Variants in LDLRAD3 observed in about 807,000 individuals in gnomAD.
The protein encoded by LDLRAD3 is low-density lipoprotein receptor class A domain-containing protein 3.
LDLRAD3 carries 20 observed loss-of-function variants against 29.4 expected under a neutral mutation model. The observed-to-expected ratio is 0.68, with a 90% CI of 0.48 to 0.99. The LOEUF is 0.99. Among genes scored for constraint, LDLRAD3 ranks in the 50% least tolerant of loss-of-function variants. LDLRAD3 has a pLI of 0.00. For synonymous variants in LDLRAD3, 157 were observed against 192.7 expected, an observed-to-expected ratio of 0.81 and a Z score of 1.53; for missense variants, 420 against 454.3, an observed-to-expected ratio of 0.92 and a Z score of 0.69.
At chr11:36,127,322 G>A (rs1032855557) in intron 4 of LDLRAD3, among the ~76,000 whole-genome samples, 6 of 152,318 alleles carry the variant, frequency 3.9e-5, no homozygotes, top group African/African-American at 1.4e-4. Flanking sequence ...TATGGTGAAA[G>A]TTACACAATA....
chr11:36,023,652 G>A (rs879443796), intron 1 of LDLRAD3, among the ~76,000 whole-genome samples: 6 of 152,204 alleles, frequency 3.9e-5, no homozygotes, highest in African/African-American at 1.2e-4. Context: ...GGCAGATGAT[G>A]TGTGTTTGCC....
chr11:36,068,991 G>T lies in LDLRAD3; in HGVS notation c.194-12662G>T, dbSNP rs2036252. Among the ~76,000 whole-genome samples the T allele has an allele frequency of 1.1e-3, 166 of 152,206 alleles. 1 individual carries two copies. The highest frequency in any genetic ancestry group is 3.8e-3 in the African/African-American group (156 of 41,472). ...TTTCTGTATTTATATTCCAGTTAGC[G>T]TATGGTCTGTTGCTCTTTCACTCCC... On this transcript the variant is annotated intron_variant, in intron 2 of 5. Coordinates refer to ENST00000315571, the MANE Select transcript of LDLRAD3 (RefSeq NM_174902.4).
At chr11:35,961,078 C>G (rs1851271853) in intron 1 of LDLRAD3, among the ~76,000 whole-genome samples, 1 of 152,234 alleles carries the variant, frequency 6.6e-6, no homozygotes, top group Non-Finnish European at 1.5e-5. Context: ...GGCCCCAGCT[C>G]TGGACCGTAG....
intron 3 of LDLRAD3, among the ~76,000 whole-genome samples, chr11:36,092,018 T>TG (rs968259717): frequency 5.8e-4 from 89 of 152,172 alleles, no homozygotes; most frequent in African/African-American, 1.8e-3. Flanking sequence ...CTGAGCTGTC[T>TG]GGGGTCTTTG....
At chr11:36,073,051 GTTTA>G (rs1852933959) in intron 2 of LDLRAD3, among the ~76,000 whole-genome samples, 1 of 152,210 alleles carries the variant, frequency 6.6e-6, no homozygotes, top group African/African-American at 2.4e-5. Context: ...TAAGGCAGCT[GTTTA>G]TTTAGGGTAT....
intron 1 of LDLRAD3, among the ~76,000 whole-genome samples, chr11:35,953,976 G>A (rs1444246240): frequency 6.6e-6 from 1 of 152,214 alleles, no homozygotes; most frequent in African/African-American, 2.4e-5. Context: ...AAGAGATAAA[G>A]TTGGAAAGAA....
chr11:36,021,140 C>T (rs1272486084), intron 1 of LDLRAD3, among the ~76,000 whole-genome samples: 3 of 152,144 alleles, frequency 2.0e-5, no homozygotes, highest in Non-Finnish European at 4.4e-5. Flanking sequence ...ATGGAAGTAT[C>T]TTTGGCAATA....
At chr11:35,981,727 T>G (rs564485380) in intron 1 of LDLRAD3, among the ~76,000 whole-genome samples, 1 of 152,324 alleles carries the variant, frequency 6.6e-6, no homozygotes, top group African/African-American at 2.4e-5. Flanking sequence ...GCAAGGGTGC[T>G]TGGCATCTCC....
chr11:36,170,330 G>GTATATATT (rs1565276200), intron 4 of LDLRAD3, among the ~76,000 whole-genome samples: 1 of 146,382 alleles, frequency 6.8e-6, no homozygotes, highest in Non-Finnish European at 1.5e-5. Context: ...ATGTATATAT[G>GTATATATT]TACGTATATA....
chr11:36,072,638 CA>C (rs1236893944), intron 2 of LDLRAD3, among the ~76,000 whole-genome samples: 1 of 152,174 alleles, frequency 6.6e-6, no homozygotes. Context: ...GACTCTAGAG[CA>C]GAAGAACTGG....
chr11:36,187,708 G>C (rs1271227126), intron 4 of LDLRAD3, among the ~76,000 whole-genome samples: 2 of 152,138 alleles, frequency 1.3e-5, no homozygotes, highest in Non-Finnish European at 2.9e-5. Context: ...GTACCGGCTG[G>C]TTTTAGCAAC....
At chr11:36,128,827 T>G in intron 4 of LDLRAD3, among the ~76,000 whole-genome samples, 3 of 144,108 alleles carry the variant, frequency 2.1e-5, no homozygotes. Flanking sequence ...CCAGCCTGGG[T>G]AAGAGAGTGA....
intron 2 of LDLRAD3, among the ~76,000 whole-genome samples, chr11:36,047,998 G>T (rs78842204): frequency 6.6e-6 from 1 of 150,862 alleles, no homozygotes; most frequent in African/African-American, 2.5e-5. Flanking sequence ...ATATGAAAGT[G>T]CTGGCTCCTG....
chr11:36,094,109 G>A (rs923791960), intron 3 of LDLRAD3, among the ~76,000 whole-genome samples: 1 of 152,196 alleles, frequency 6.6e-6, no homozygotes, highest in Admixed American at 6.5e-5. Context: ...CTTTGGCTTG[G>A]AGGTGGGGTT....
intron 1 of LDLRAD3, among the ~76,000 whole-genome samples, chr11:36,006,149 CATT>C (rs1394959743): frequency 1.3e-5 from 2 of 152,188 alleles, no homozygotes; most frequent in Non-Finnish European, 2.9e-5. Context: ...TGGGTAGCAT[CATT>C]GAGTGTTTTC....
Position 36,023,548 on chromosome 11 carries a change from C to A in LDLRAD3, c.47-12555C>A, listed in dbSNP as rs556575446. The stretch of plus-strand genomic sequence containing the variant: ...TAAACAAGAGGAACTATCTTCAGTA[C>A]CTGCCTTTCAAGGATATTTTCAGTC... On this transcript the variant is annotated intron_variant, in intron 1 of 5. Coordinates refer to ENST00000315571, the MANE Select transcript of LDLRAD3 (RefSeq NM_174902.4). 5.3e-5 allele frequency among the ~76,000 whole-genome samples: 8 copies of A among 152,292 alleles called. No homozygotes were observed. The South Asian group carries it at 1.2e-3, about 24-fold the overall frequency.
At chr11:36,004,156 T>C (rs1851857060) in intron 1 of LDLRAD3, among the ~76,000 whole-genome samples, 1 of 152,214 alleles carries the variant, frequency 6.6e-6, no homozygotes, top group African/African-American at 2.4e-5. Context: ...CCTAGTCTTA[T>C]TTCAGCATTA....
At chr11:36,111,814 G>C (rs573121158) in intron 4 of LDLRAD3, among the ~76,000 whole-genome samples, 15 of 152,286 alleles carry the variant, frequency 9.8e-5, no homozygotes, top group African/African-American at 3.6e-4. Flanking sequence ...TGGCCAGGCT[G>C]GCCTGGACTC....
chr11:36,062,899 C>T (rs1852726045), intron 2 of LDLRAD3, among the ~76,000 whole-genome samples: 1 of 152,088 alleles, frequency 6.6e-6, no homozygotes, highest in Non-Finnish European at 1.5e-5. Context: ...TTAGAAGGGA[C>T]TAATACGTTG....
Sources: allele counts gnomAD v4.1 joint callset (sites outside exome capture counted in the v4.1 genomes callset), GRCh38; gene constraint gnomAD v4.1.1; transcripts MANE v1.5; gene names NCBI Gene and HGNC (gene_info 2026-07-23, HGNC 2026-07-21).